The following LLPH variants were observed in gnomAD, a reference collection of about 807,000 sequenced individuals.
LLPH encodes the protein LLP homolog, long-term synaptic facilitation factor.
LLPH carries 5 observed loss-of-function variants against 13.3 expected under a neutral mutation model. That is an observed-to-expected ratio of 0.38 (90% CI 0.20 to 0.79). The LOEUF is 0.79. Among genes scored for constraint, LLPH ranks in the 30% least tolerant of loss-of-function variants. The pLI is 0.45. For missense variants in LLPH, 129 were observed against 152.1 expected, an observed-to-expected ratio of 0.85 and a Z score of 0.80; for synonymous variants, 32 against 44.2, an observed-to-expected ratio of 0.72 and a Z score of 1.09.
chr12:66,124,229 T>A (rs1241901989), intron 2 of LLPH, among the ~76,000 whole-genome samples: 1 of 152,186 alleles, frequency 6.6e-6, no homozygotes, highest in East Asian at 1.9e-4. Flanking sequence ...TGGCTCTGAG[T>A]TAGTACATTA....
rs570746723 is a variant in LLPH at position 66,123,568 on chromosome 12, C to A, written c.*272G>T. The A allele has an allele frequency of 5.4e-5, 23 of 422,050 alleles. No individual in the cohort carries two copies. In the East Asian group the frequency reaches 7.5e-4, roughly 14 times the overall value. 26.1% of individuals were successfully genotyped at this position (422,050 alleles called of 1,614,324 possible). On this transcript the variant is annotated 3_prime_UTR_variant, in exon 3 of 3. Transcript: ENST00000266604. The stretch of plus-strand genomic sequence containing the variant: ...AGAACAATTCTAACCATATTAATAC[C>A]TGACAGAACGTTGAGGCCTGATTAT...
Position 66,129,089 on chromosome 12 carries a change from C to T in LLPH, c.18G>A (p.Arg6=). The T allele has an allele frequency of 1.2e-6, 2 of 1,610,978 alleles. No individual in the cohort carries two copies. The highest frequency in any genetic ancestry group is 2.2e-5 in the South Asian group (2 of 90,304). Residue 6 remains arginine, a synonymous_variant, in exon 2 of 3, where the codon CGG becomes CGA. Coordinates refer to ENST00000266604, the MANE Select transcript of LLPH (RefSeq NM_032338.4). ...CACGCATCTTTCTTTTCCACTTACT[C>T]CGTAAGCTTTTAGCCATGTTTTACC... MAKSL[R]SKWKRKMRAE...
intron 2 of LLPH, 85 bp downstream of exon 2, chr12:66,128,811 A>G: frequency 1.1e-6 from 1 of 895,490 alleles, no homozygotes; most frequent in Non-Finnish European, 1.8e-6. Context: ...ACACCACTGC[A>G]CTCTAGCCTA....
At chr12:66,126,256 G>A (rs2051495784) in intron 2 of LLPH, among the ~76,000 whole-genome samples, 1 of 151,504 alleles carries the variant, frequency 6.6e-6, no homozygotes, top group African/African-American at 2.4e-5. Flanking sequence ...CCCGGGAGAT[G>A]GAGCTTGCAG....
Position 66,123,630 on chromosome 12 carries a change from T to C in LLPH, c.*210A>G. 1.8e-6 allele frequency: 1 copy of C among 566,520 alleles called. No homozygotes were observed. The highest frequency in any genetic ancestry group is 1.9e-5 in the African/African-American group (1 of 53,086). The allele number at this position is 566,520 out of a possible 1,614,324, so 35.1% of individuals were successfully genotyped here. A position where few individuals can be genotyped will look rare whatever the true frequency, so the allele number is the denominator to read the frequency against. The stretch of plus-strand genomic sequence containing the variant: ...GGGTAGCATCCAGTTAAAGTATCAG[T>C]AGAGCTTGGATGTATCAAAGAAAAT... On this transcript the variant is annotated 3_prime_UTR_variant, in exon 3 of 3. Coordinates refer to ENST00000266604, the MANE Select transcript of LLPH (RefSeq NM_032338.4).
chr12:66,128,064 G>A (rs539304963), intron 2 of LLPH, among the ~76,000 whole-genome samples: 1 of 152,238 alleles, frequency 6.6e-6, no homozygotes, highest in African/African-American at 2.4e-5. Flanking sequence ...ATATTTCTTG[G>A]TTGGCCCCTT....
At chr12:66,126,349 A>G (rs916756946) in intron 2 of LLPH, among the ~76,000 whole-genome samples, 1 of 149,038 alleles carries the variant, frequency 6.7e-6, no homozygotes, top group Non-Finnish European at 1.5e-5. Context: ...AAAAAAAAAG[A>G]AAAACTTTTA....
At chr12:66,130,399 C>A (rs2051527346) in intron 1 of LLPH, 1 of 152,232 alleles carries the variant, frequency 6.6e-6, no homozygotes, top group Admixed American at 6.5e-5. Context: ...TCATTCCGCT[C>A]CCTTGTCTAC....
Position 66,123,599 on chromosome 12 carries a change from G to A in LLPH, c.*241C>T. On this transcript the variant is annotated 3_prime_UTR_variant, in exon 3 of 3. Transcript: ENST00000266604. ...GAACGTTGAGGCCTGATTATAACTG[G>A]ATATTGGGTAGCATCCAGTTAAAGT... is the stretch of plus-strand genomic sequence containing the variant. 2.0e-6 allele frequency: 1 copy of A among 505,060 alleles called. No individual in the cohort carries two copies. Among genetic ancestry groups the A allele is most frequent in the Non-Finnish European group, 3.5e-6 (1 of 286,096 alleles). 31.3% of individuals were successfully genotyped at this position (505,060 alleles called of 1,614,324 possible). A position where few individuals can be genotyped will look rare whatever the true frequency, so the allele number is the denominator to read the frequency against.
intron 2 of LLPH, among the ~76,000 whole-genome samples, chr12:66,127,473 T>G (rs1030342212): frequency 7.9e-5 from 12 of 152,056 alleles, no homozygotes; most frequent in Admixed American, 5.9e-4. Context: ...AATTCACACA[T>G]GAAAAGAGCA....
rs2136825692 is a variant in LLPH at position 66,119,897 on chromosome 12, G to A, written c.*3943C>T. On this transcript the variant is annotated 3_prime_UTR_variant, in exon 3 of 3. Transcript: ENST00000266604. Reference sequence around the variant, plus strand: ...ACGGATCCAAATTTTGAAAATATCTGAATTTCCTAATAAGCAAATATATAC... The same window carrying A: ...ACGGATCCAAATTTTGAAAATATCTAAATTTCCTAATAAGCAAATATATAC... 6.6e-6 allele frequency: 1 copy of A among 152,262 alleles called. No individual in the cohort carries two copies. Among genetic ancestry groups the A allele is most frequent in the African/African-American group, 2.4e-5 (1 of 41,558 alleles). The allele number at this position is 152,262 out of a possible 1,614,324, so 9.4% of individuals were successfully genotyped here.
Position 66,118,631 on chromosome 12 carries a change from T to TA in LLPH, c.*5208dup, listed in dbSNP as rs1565775596. The TA allele has an allele frequency of 6.6e-6, 1 of 152,194 alleles. No individual in the cohort carries two copies. The highest frequency in any genetic ancestry group is 2.4e-5 in the African/African-American group (1 of 41,448). The allele number at this position is 152,194 out of a possible 1,614,324, so 9.4% of individuals were successfully genotyped here. On this transcript the variant is annotated 3_prime_UTR_variant, in exon 3 of 3. Transcript: ENST00000266604. ...TGACCAATTTGTAGCCTAGAAGCAATAGGCTATATCACATAGCCTAAGTGT... is the reference window on the plus strand; with the variant it reads ...TGACCAATTTGTAGCCTAGAAGCAATAAGGCTATATCACATAGCCTAAGTGT...
intron 2 of LLPH, among the ~76,000 whole-genome samples, chr12:66,128,065 T>C (rs1019520454): frequency 1.3e-5 from 2 of 152,220 alleles, no homozygotes; most frequent in Non-Finnish European, 2.9e-5. Context: ...TATTTCTTGG[T>C]TGGCCCCTTT....
intron 2 of LLPH, among the ~76,000 whole-genome samples, chr12:66,126,260 C>G (rs2051495821): frequency 6.7e-6 from 1 of 150,264 alleles, no homozygotes; most frequent in Non-Finnish European, 1.5e-5. Context: ...GGAGATGGAG[C>G]TTGCAGTGAG....
rs963576529 is a variant in LLPH, at chr12:66,128,943, G to A, written c.164C>T (p.Pro55Leu). The A allele has an allele frequency of 9.3e-6, 15 of 1,613,258 alleles. No individual in the cohort carries two copies. The highest frequency in any genetic ancestry group is 1.2e-5 in the Non-Finnish European group (14 of 1,179,592). ...QEIATVVVPKPKHCQEKMQCE... is the reference protein window; with the variant it reads ...QEIATVVVPKLKHCQEKMQCE... Reference sequence around the variant, plus strand: ...TTGCATTTTCTCTTGGCAATGTTTGGGTTTGGGTACCACCACAGTTGCTAT... The same window carrying A: ...TTGCATTTTCTCTTGGCAATGTTTGAGTTTGGGTACCACCACAGTTGCTAT... Residue 55 changes from proline (P) to leucine (L), a missense_variant, in exon 2 of 3, where the codon CCC (proline) becomes CTC (leucine). By Grantham distance (98) the Pro-to-Leu change is moderately conservative. Transcript: ENST00000266604.
rs2051436311 is a variant in LLPH at position 66,117,526 on chromosome 12, G to C, written c.*6314C>G. The C allele has an allele frequency of 6.6e-6, 1 of 152,196 alleles. No individual in the cohort carries two copies. Among genetic ancestry groups the C allele is most frequent in the Non-Finnish European group, 1.5e-5 (1 of 68,034 alleles). The allele number at this position is 152,196 out of a possible 1,614,324, so 9.4% of individuals were successfully genotyped here. On this transcript the variant is annotated 3_prime_UTR_variant, in exon 3 of 3. Coordinates refer to ENST00000266604, the MANE Select transcript of LLPH (RefSeq NM_032338.4). ...GTGCTGTCAGTCATATAAAGGTATA[G>C]CACATACAATTATGTACAGTTCATA...
Position 66,121,960 on chromosome 12 carries a change from T to C in LLPH, c.*1880A>G, listed in dbSNP as rs559228797. On this transcript the variant is annotated 3_prime_UTR_variant, in exon 3 of 3. Transcript: ENST00000266604. ...ATATTGTCAGTGGCTTAACTGGTTG[T>C]TTGCAATTTTTTTTATTTTATGAAT... The C allele has an allele frequency of 1.5e-3, 226 of 152,120 alleles. No individual in the cohort carries two copies. Among genetic ancestry groups the C allele is most frequent in the African/African-American group, 5.2e-3 (216 of 41,532 alleles). 9.4% of individuals were successfully genotyped at this position (152,120 alleles called of 1,614,324 possible). A position where few individuals can be genotyped will look rare whatever the true frequency, so the allele number is the denominator to read the frequency against.
Position 66,121,097 on chromosome 12 carries a change from A to G in LLPH, c.*2743T>C, listed in dbSNP as rs997630730. 6.6e-6 allele frequency: 1 copy of G among 152,198 alleles called. No individual in the cohort carries two copies. Among genetic ancestry groups the G allele is most frequent in the African/African-American group, 2.4e-5 (1 of 41,444 alleles). The allele number at this position is 152,198 out of a possible 1,614,324, so 9.4% of individuals were successfully genotyped here. On this transcript the variant is annotated 3_prime_UTR_variant, in exon 3 of 3. Transcript: ENST00000266604. The stretch of plus-strand genomic sequence containing the variant: ...GAATGGACAAACTTCATGACTGGAC[A>G]CAATGAAGTGAAAATCCTAACATCA...
chr12:66,129,333 G>A (rs1423112892), intron 1 of LLPH, among the ~76,000 whole-genome samples: 1 of 151,596 alleles, frequency 6.6e-6, no homozygotes, highest in Non-Finnish European at 1.5e-5. Flanking sequence ...TCAAACTTGT[G>A]GTCATAAGCA....
Sources: allele counts gnomAD v4.1 joint callset (sites outside exome capture counted in the v4.1 genomes callset), GRCh38; gene constraint gnomAD v4.1.1; transcripts MANE v1.5; gene names NCBI Gene and HGNC (gene_info 2026-07-23, HGNC 2026-07-21).